Variants in EXOC6B observed in about 807,000 individuals in gnomAD.
EXOC6B encodes SEC15 homolog B.
Under a neutral mutation model 113.5 loss-of-function variants are expected in EXOC6B, and 54 were observed. That is an observed-to-expected ratio of 0.48 (90% CI 0.38 to 0.60). The LOEUF (loss-of-function observed/expected upper bound fraction) is 0.60, where lower values mean the gene tolerates loss of function less well. Among genes scored for constraint, EXOC6B ranks in the 20% least tolerant of loss-of-function variants. The probability of loss-of-function intolerance (pLI) is 0.00; values close to 1 mark genes in which losing one functional copy is unlikely to be tolerated. For missense variants in EXOC6B, 797 were observed against 977.5 expected (o/e 0.82, Z 2.46); for synonymous variants, 357 against 339.0 (o/e 1.05, Z -0.58).
intron 20 of EXOC6B, among the ~76,000 whole-genome samples, chr2:72,206,091 T>C (rs1218864081): frequency 6.6e-6 from 1 of 152,178 alleles, no homozygotes; most frequent in African/African-American, 2.4e-5. Context: ...GCCAGGTATA[T>C]ATTAAATGCA....
intron 18 of EXOC6B, among the ~76,000 whole-genome samples, chr2:72,401,568 T>C (rs1421879104): frequency 0.03 from 710 of 23,890 alleles, 185 homozygotes; most frequent in African/African-American, 0.18. Flanking sequence ...TATATATACA[T>C]ATATATATAT....
At chr2:72,701,720 C>CTAG (rs1275182564) in intron 6 of EXOC6B, among the ~76,000 whole-genome samples, 1 of 152,176 alleles carries the variant, frequency 6.6e-6, no homozygotes, top group Non-Finnish European at 1.5e-5. Context: ...ACTTTGTCAC[C>CTAG]TAGTATTCTG....
intron 8 of EXOC6B, among the ~76,000 whole-genome samples, chr2:72,541,582 T>C (rs1454243673): frequency 1.3e-5 from 2 of 152,208 alleles, no homozygotes; most frequent in African/African-American, 4.8e-5. Flanking sequence ...GGATGGGTTA[T>C]GGAAATGTAC....
chr2:72,314,967 A>T (rs1687424835), intron 20 of EXOC6B, among the ~76,000 whole-genome samples: 1 of 152,214 alleles, frequency 6.6e-6, no homozygotes, highest in African/African-American at 2.4e-5. Flanking sequence ...AGGGGGAAGA[A>T]CAAGATATGT....
intron 1 of EXOC6B, among the ~76,000 whole-genome samples, chr2:72,756,002 T>A (rs1472993086): frequency 6.6e-6 from 1 of 152,182 alleles, no homozygotes; most frequent in African/African-American, 2.4e-5. Context: ...AACATCATGG[T>A]TATATGCTCC....
At chr2:72,371,263 A>G (rs974572583) in intron 19 of EXOC6B, among the ~76,000 whole-genome samples, 4 of 152,152 alleles carry the variant, frequency 2.6e-5, no homozygotes, top group Non-Finnish European at 5.9e-5. Context: ...TCTATCAAAC[A>G]TCTAAAGAAG....
In EXOC6B at chr2:72,765,102, A is replaced by G. The variant is rs923717363; in HGVS notation, c.114-23633T>C. Among the ~76,000 whole-genome samples the G allele has an allele frequency of 5.7e-4, 86 of 150,046 alleles. 1 individual carries two copies. The Middle Eastern group carries it at 0.01, about 18-fold the overall frequency. On this transcript the variant is annotated intron_variant, in intron 1 of 21. Transcript: ENST00000272427. ...ACCCCATCACTACAAAAAAAAAGGG[A>G]CTTGATAAGGTCCCTTCCATTTAGG... is the stretch of plus-strand genomic sequence containing the variant.
chr2:72,548,403 C>T (rs941630206), intron 8 of EXOC6B, among the ~76,000 whole-genome samples: 1 of 152,120 alleles, frequency 6.6e-6, no homozygotes, highest in African/African-American at 2.4e-5. Context: ...GTCGGTTTCA[C>T]TAAAAATAAT....
At chr2:72,289,577 A>C (rs1685660158) in intron 20 of EXOC6B, among the ~76,000 whole-genome samples, 1 of 152,030 alleles carries the variant, frequency 6.6e-6, no homozygotes, top group South Asian at 2.1e-4. Context: ...ACTATTACAA[A>C]ATTTGAAAAT....
chr2:72,777,348 GA>G (rs1416908622), intron 1 of EXOC6B, among the ~76,000 whole-genome samples: 2 of 152,116 alleles, frequency 1.3e-5, no homozygotes, highest in African/African-American at 4.8e-5. Context: ...TTTCTCATCA[GA>G]AACCATGGAG....
intron 17 of EXOC6B, among the ~76,000 whole-genome samples, chr2:72,476,235 C>G (rs1028267571): frequency 1.3e-5 from 2 of 152,192 alleles, no homozygotes; most frequent in Non-Finnish European, 2.9e-5. Flanking sequence ...TTCTACTAAC[C>G]CTTTCCTCGT....
At chr2:72,540,286 T>C (rs1010496621) in intron 8 of EXOC6B, among the ~76,000 whole-genome samples, 1 of 152,088 alleles carries the variant, frequency 6.6e-6, no homozygotes, top group Admixed American at 6.5e-5. Context: ...AGCAGCATGA[T>C]TTATAGTCCT....
intron 8 of EXOC6B, among the ~76,000 whole-genome samples, chr2:72,522,799 T>C (rs547456495): frequency 9.8e-5 from 15 of 152,334 alleles, no homozygotes; most frequent in Admixed American, 3.3e-4. Context: ...GTAATGTACA[T>C]ATACACGCAT....
intron 6 of EXOC6B, among the ~76,000 whole-genome samples, chr2:72,649,561 T>A (rs1199026064): frequency 2.0e-5 from 3 of 151,906 alleles, no homozygotes; most frequent in Non-Finnish European, 4.4e-5. Context: ...ATGAAAAAAA[T>A]TAAATTTTTA....
intron 8 of EXOC6B, among the ~76,000 whole-genome samples, chr2:72,558,244 C>A (rs972047095): frequency 6.6e-6 from 1 of 150,582 alleles, no homozygotes; most frequent in Non-Finnish European, 1.5e-5. Context: ...TAAAAAAAAA[C>A]AGCAAGGAAT....
chr2:72,726,377 T>C (rs1680302247), intron 5 of EXOC6B, among the ~76,000 whole-genome samples: 1 of 152,026 alleles, frequency 6.6e-6, no homozygotes, highest in African/African-American at 2.4e-5. Context: ...TGTAATTCAA[T>C]TTAAAAACTG....
At chr2:72,405,690 C>A (rs1434385082) in intron 18 of EXOC6B, among the ~76,000 whole-genome samples, 1 of 152,168 alleles carries the variant, frequency 6.6e-6, no homozygotes, top group Admixed American at 6.5e-5. Context: ...CCTACAAGAG[C>A]TCCTGAAGGA....
chr2:72,350,183 A>G (rs1043592841), intron 19 of EXOC6B, among the ~76,000 whole-genome samples: 2 of 152,216 alleles, frequency 1.3e-5, no homozygotes, highest in Non-Finnish European at 2.9e-5. Flanking sequence ...TTGAAAATTT[A>G]AATATATTAT....
intron 17 of EXOC6B, among the ~76,000 whole-genome samples, chr2:72,469,742 T>C (rs757639817): frequency 6.6e-6 from 1 of 152,080 alleles, no homozygotes; most frequent in Non-Finnish European, 1.5e-5. Flanking sequence ...AAACATTCTA[T>C]AAATGTCCAT....
Sources: gnomAD v4.1 joint callset for allele counts (sites outside exome capture counted in the v4.1 genomes callset) on GRCh38, gnomAD v4.1.1 for gene constraint, MANE v1.5 for transcripts, NCBI Gene and HGNC (gene_info 2026-07-23, HGNC 2026-07-21) for gene names.